The following MYOF variants were observed in gnomAD, a reference collection of about 807,000 sequenced individuals.
MYOF encodes the protein fer-1-like 3, myoferlin.
A neutral mutation model predicts 284.2 loss-of-function variants in MYOF; 244 were observed. That is an observed-to-expected ratio of 0.86 (90% CI 0.77 to 0.95). The LOEUF (loss-of-function observed/expected upper bound fraction) is 0.95, where lower values mean the gene tolerates loss of function less well. Ranked by LOEUF, MYOF falls within the 40% of genes least tolerant of loss-of-function variation. The pLI is 0.00. For missense variants in MYOF, 2,496 were observed against 2,560.6 expected, an observed-to-expected ratio of 0.97 and a Z score of 0.54; for synonymous variants, 904 against 919.7, an observed-to-expected ratio of 0.98 and a Z score of 0.31.
intron 48 of MYOF, 23 bp downstream of exon 48, chr10:93,323,055 A>T (rs753465107): frequency 6.2e-7 from 1 of 1,600,974 alleles, no homozygotes; most frequent in Non-Finnish European, 8.6e-7. Context: ...AGCTTGGCAA[A>T]GTCTCTCACA....
At chr10:93,320,187 A>G (rs1351813770) in intron 48 of MYOF, among the ~76,000 whole-genome samples, 174 bp from the exon 49 acceptor site, 1 of 152,196 alleles carries the variant, frequency 6.6e-6, no homozygotes, top group African/African-American at 2.4e-5. Context: ...GCTCTATTGC[A>G]TCCAACACAG....
intron 50 of MYOF, among the ~76,000 whole-genome samples, chr10:93,315,498 C>T (rs571540177): frequency 3.7e-4 from 57 of 152,154 alleles, no homozygotes; most frequent in African/African-American, 1.3e-3. Flanking sequence ...GGGTTGTGAG[C>T]TGCTAAATAA....
chr10:93,383,570 G>A lies in MYOF; in HGVS notation c.1699-2174C>T, dbSNP rs150939582. Among the ~76,000 whole-genome samples the A allele has an allele frequency of 3.9e-4, 60 of 152,258 alleles. No individual in the cohort carries two copies. In the East Asian group the frequency reaches 9.7e-3, roughly 25 times the overall value. ...TTAACTACCCACAGCGAAGCCCCCT[G>A]GAATACCCGTGGTCCAGAATGATGT... On this transcript the variant is annotated intron_variant, in intron 19 of 53. Transcript: ENST00000359263.
At chr10:93,469,526 T>C (rs918951194) in intron 1 of MYOF, among the ~76,000 whole-genome samples, 2 of 152,172 alleles carry the variant, frequency 1.3e-5, no homozygotes, top group African/African-American at 4.8e-5. Context: ...AAGAGGGAAT[T>C]TGGGGCCCCA....
intron 28 of MYOF, 36 bp from the exon 29 acceptor site, chr10:93,360,014 A>G (rs1346080072): frequency 1.2e-6 from 2 of 1,613,154 alleles, no homozygotes; most frequent in Non-Finnish European, 1.7e-6. Flanking sequence ...CCCAGAAGAG[A>G]TGCATTTGCC....
At chr10:93,423,844 A>G (rs2134182822) in intron 5 of MYOF, among the ~76,000 whole-genome samples, 1 of 152,070 alleles carries the variant, frequency 6.6e-6, no homozygotes, top group Middle Eastern at 3.4e-3. Context: ...AAAAAAAAAA[A>G]ACAAACCAAA....
At chr10:93,463,394 A>ATTTTT (rs1554872325) in intron 1 of MYOF, among the ~76,000 whole-genome samples, 3 of 78,928 alleles carry the variant, frequency 3.8e-5, no homozygotes, top group Admixed American at 1.9e-4. Flanking sequence ...GTCTCTACAA[A>ATTTTT]TTTTTTTTTT....
intron 1 of MYOF, among the ~76,000 whole-genome samples, chr10:93,468,918 T>A (rs1176678879): frequency 2.6e-5 from 4 of 152,006 alleles, no homozygotes; most frequent in Admixed American, 6.6e-5. Flanking sequence ...AAACCAACCA[T>A]ATATGAAGCA....
chr10:93,456,662 G>A (rs1239028178), intron 2 of MYOF, among the ~76,000 whole-genome samples: 1 of 152,138 alleles, frequency 6.6e-6, no homozygotes, highest in Non-Finnish European at 1.5e-5. Flanking sequence ...GCCAGTCCAG[G>A]CTTCCCTTGC....
chr10:93,366,635 C>T (rs978827803), intron 25 of MYOF, 80 bp from the exon 26 acceptor site: 12 of 1,264,352 alleles, frequency 9.5e-6, no homozygotes, highest in South Asian at 2.9e-5. Context: ...TCAAGTTCAT[C>T]GAGGACTTAG....
At chr10:93,445,289 C>T (rs1033588251) in intron 3 of MYOF, among the ~76,000 whole-genome samples, 12 of 152,168 alleles carry the variant, frequency 7.9e-5, no homozygotes, top group Non-Finnish European at 1.8e-4. Flanking sequence ...CTAAACCTCT[C>T]TGAGGAAAAA....
intron 31 of MYOF, among the ~76,000 whole-genome samples, chr10:93,354,703 T>C (rs139785018): frequency 0.024 from 1,726 of 70,626 alleles, 56 homozygotes; most frequent in African/African-American, 0.06. Context: ...CTCTCTCTCT[T>C]TGTGAGATAG....
At position 93,377,375 on chromosome 10, in the gene MYOF, G is replaced by A. The variant is rs1218013539; in HGVS notation, c.2056C>T (p.Gln686Ter). Reference protein sequence around the residue: ...SGIQGKIPANQLAELWLKLID... With the variant: ...SGIQGKIPAN Reference sequence around the variant, plus strand: ...AGCTTCAGCCACAATTCAGCCAGCTGGTTTGCAGGAATTTTACCTTGTATC... The same window carrying A: ...AGCTTCAGCCACAATTCAGCCAGCTAGTTTGCAGGAATTTTACCTTGTATC... The change falls in exon 22 of 54, where the codon CAG (glutamine) becomes TAG (stop). Residue 686 changes from glutamine to a stop codon, truncating the protein, a stop_gained. Coordinates refer to ENST00000359263, the MANE Select transcript of MYOF (RefSeq NM_013451.4). LOFTEE classifies it high-confidence loss of function. The A allele has an allele frequency of 6.2e-7, 1 of 1,613,992 alleles. No individual in the cohort carries two copies. Among genetic ancestry groups the A allele is most frequent in the South Asian group, 1.1e-5 (1 of 91,076 alleles).
At chr10:93,403,421 G>T (rs1345127843) in intron 9 of MYOF, among the ~76,000 whole-genome samples, 2 of 152,236 alleles carry the variant, frequency 1.3e-5, no homozygotes, top group Admixed American at 1.3e-4. Flanking sequence ...GGATCAGAGA[G>T]ATTGAGTTCC....
chr10:93,388,709 A>AG (rs1846521342), intron 18 of MYOF, among the ~76,000 whole-genome samples: 1 of 152,236 alleles, frequency 6.6e-6, no homozygotes, highest in South Asian at 2.1e-4. Context: ...AAAGGGTTTC[A>AG]GGGTGCATGC....
intron 3 of MYOF, among the ~76,000 whole-genome samples, chr10:93,440,803 T>C (rs1011189693): frequency 2.6e-5 from 4 of 152,232 alleles, no homozygotes; most frequent in Admixed American, 2.0e-4. Flanking sequence ...CTTTATGAGA[T>C]GCCTTTCTCT....
intron 51 of MYOF, 47 bp downstream of exon 51, chr10:93,312,973 A>G (rs375154028): frequency 1.3e-5 from 20 of 1,547,166 alleles, no homozygotes; most frequent in African/African-American, 2.7e-5. Flanking sequence ...AACCTAAATG[A>G]TAAAAGGCAT....
intron 19 of MYOF, among the ~76,000 whole-genome samples, chr10:93,387,482 G>T (rs1411596456): frequency 6.6e-6 from 1 of 152,200 alleles, no homozygotes; most frequent in Non-Finnish European, 1.5e-5. Context: ...AGCCACCTCT[G>T]AAAATGGAAA....
chr10:93,407,414 A>C (rs1324760014), intron 7 of MYOF, among the ~76,000 whole-genome samples: 5 of 105,846 alleles, frequency 4.7e-5, no homozygotes, highest in African/African-American at 1.1e-4. Context: ...GGCAACAGAG[A>C]CTCTGTCTCA....
Sources: gnomAD v4.1 joint callset for allele counts (sites outside exome capture counted in the v4.1 genomes callset) on GRCh38, gnomAD v4.1.1 for gene constraint, MANE v1.5 for transcripts, NCBI Gene and HGNC (gene_info 2026-07-23, HGNC 2026-07-21) for gene names.